Variants in SPAG17 observed in about 807,000 individuals in gnomAD.
SPAG17 encodes the protein sperm-associated antigen 17.
A neutral mutation model predicts 273.6 loss-of-function variants in SPAG17; 169 were observed. The ratio of observed to expected loss-of-function variants is 0.62; its 90% CI spans 0.55 to 0.70. The LOEUF is 0.70. Among genes scored for constraint, SPAG17 ranks in the 30% least tolerant of loss-of-function variants. The pLI is 0.00. For synonymous variants in SPAG17, 825 were observed against 873.2 expected, an observed-to-expected ratio of 0.94 and a Z score of 0.97; for missense variants, 2,557 against 2,627.8, an observed-to-expected ratio of 0.97 and a Z score of 0.59.
At chr1:118,060,338 G>T (rs1177314195) in intron 18 of SPAG17, among the ~76,000 whole-genome samples, 10 of 151,342 alleles carry the variant, frequency 6.6e-5, no homozygotes, top group African/African-American at 2.4e-4. Flanking sequence ...TTAGAGATGT[G>T]GTCTTGATAT....
Position 118,057,524 on chromosome 1 carries a change from A to G in SPAG17, c.2541-1610T>C, listed in dbSNP as rs184615047. Among the ~76,000 whole-genome samples, 5 of 152,352 alleles carry G rather than the reference A, an allele frequency of 3.3e-5. No individual in the cohort carries two copies. The East Asian group carries it at 9.6e-4, about 29-fold the overall frequency. On this transcript the variant is annotated intron_variant, in intron 18 of 48. Transcript: ENST00000336338. ...AATATAGACTTACATATACAGCTCA[A>G]TCAGTCTTCAAATGAGAGAACAAAA...
intron 1 of SPAG17, among the ~76,000 whole-genome samples, chr1:118,161,043 C>T (rs1008180090): frequency 1.1e-4 from 16 of 152,148 alleles, no homozygotes; most frequent in African/African-American, 3.6e-4. Flanking sequence ...AGTCGTGCAG[C>T]TCAACAAGCA....
chr1:117,970,757 T>C (rs767343070), intron 45 of SPAG17, among the ~76,000 whole-genome samples: 2 of 152,234 alleles, frequency 1.3e-5, no homozygotes, highest in Non-Finnish European at 2.9e-5. Context: ...TCAACCTTGC[T>C]GTCTGCTCTA....
Position 118,100,292 on chromosome 1 carries a change from C to T in SPAG17, c.635-492G>A, listed in dbSNP as rs771553972. Among the ~76,000 whole-genome samples, 6 of 152,038 alleles carry T rather than the reference C, an allele frequency of 3.9e-5. No homozygotes were observed. In the South Asian group the frequency reaches 6.2e-4, roughly 16 times the overall value. ...CACTTATGTCAATGGGTGTGAATCC[C>T]GAGTATGGATTATGTAGTAACTATG... On this transcript the variant is annotated intron_variant, in intron 5 of 48. Coordinates refer to ENST00000336338, the MANE Select transcript of SPAG17 (RefSeq NM_206996.4).
chr1:118,174,162 T>TA (rs1424835202), intron 1 of SPAG17, among the ~76,000 whole-genome samples: 2 of 151,922 alleles, frequency 1.3e-5, no homozygotes, highest in African/African-American at 2.4e-5. Context: ...AAGACAAAAT[T>TA]AAAAAAAGAA....
intron 20 of SPAG17, among the ~76,000 whole-genome samples, chr1:118,046,192 C>T (rs554471029): frequency 2.6e-5 from 4 of 152,058 alleles, no homozygotes; most frequent in African/African-American, 9.6e-5. Flanking sequence ...AAAAACTTAG[C>T]TGGGCATGGT....
At chr1:117,959,493 G>A in intron 48 of SPAG17, 1 of 1,528,316 alleles carries the variant, frequency 6.5e-7, no homozygotes, top group Non-Finnish European at 8.8e-7. Context: ...TTCCTTTAAA[G>A]GACTCCTAAA....
At chr1:118,035,091 A>G (rs1409053) in intron 24 of SPAG17, among the ~76,000 whole-genome samples, 11,291 of 152,194 alleles carry the variant, frequency 0.074, 1,105 homozygotes, top group African/African-American at 0.23. Context: ...AAAGTTCTTA[A>G]ATATCAGTTA....
chr1:117,964,731 C>T (rs1031314900), intron 47 of SPAG17: 3 of 152,164 alleles, frequency 2.0e-5, no homozygotes, highest in African/African-American at 7.2e-5. Context: ...TAAAGGCAGG[C>T]GTTTCGGCAT....
At chr1:118,040,087 G>A (rs1419438091) in intron 22 of SPAG17, among the ~76,000 whole-genome samples, 1 of 152,078 alleles carries the variant, frequency 6.6e-6, no homozygotes, top group African/African-American at 2.4e-5. Context: ...TATTATTGTG[G>A]TCGTTAATAA....
At position 118,082,988 on chromosome 1, in the gene SPAG17, G is replaced by A. The variant is rs1654704709; in HGVS notation, c.1763-1346C>T. On this transcript the variant is annotated intron_variant, in intron 13 of 48. Transcript: ENST00000336338. ...TGGCTCAAAAAGTAGGTGGCAGACA[G>A]TTTAGGTTCTTATTGTTGCTTTTTG... 2.0e-5 allele frequency among the ~76,000 whole-genome samples: 3 copies of A among 152,132 alleles called. No individual in the cohort carries two copies. In the South Asian group the frequency reaches 6.2e-4, roughly 32 times the overall value.
rs147097063 is a variant in SPAG17 at position 118,142,666 on chromosome 1, C to T, written c.315+7877G>A. Among the ~76,000 whole-genome samples, 260 of 152,160 alleles carry T rather than the reference C, an allele frequency of 1.7e-3. 4 individuals are homozygous for T. Among genetic ancestry groups the T allele is most frequent in the African/African-American group, 6.0e-3 (250 of 41,516 alleles). On this transcript the variant is annotated intron_variant, in intron 3 of 48. Coordinates refer to ENST00000336338, the MANE Select transcript of SPAG17 (RefSeq NM_206996.4). ...TATATTTACTATCCCATGTAATCAC[C>T]ACTACAGCTTTATAAGATAGATACT...
chr1:118,135,253 T>A (rs1050385040), intron 3 of SPAG17, among the ~76,000 whole-genome samples: 1 of 152,152 alleles, frequency 6.6e-6, no homozygotes, highest in African/African-American at 2.4e-5. Flanking sequence ...GCAGTGCTAG[T>A]TCACTAGTTC....
intron 15 of SPAG17, among the ~76,000 whole-genome samples, chr1:118,079,270 C>T (rs556655265): frequency 8.8e-4 from 134 of 152,064 alleles, no homozygotes; most frequent in African/African-American, 3.2e-3. Context: ...CTCAGGTTTT[C>T]TATTTCTTCT....
chr1:118,058,699 C>A (rs999790484), intron 18 of SPAG17, among the ~76,000 whole-genome samples: 1 of 152,128 alleles, frequency 6.6e-6, no homozygotes, highest in African/African-American at 2.4e-5. Context: ...CTTAGTTTAA[C>A]CCCAGTAATC....
intron 34 of SPAG17, among the ~76,000 whole-genome samples, chr1:117,995,079 T>C (rs866020869): frequency 1.3e-5 from 2 of 152,278 alleles, no homozygotes; most frequent in Middle Eastern, 6.8e-3. Context: ...GTGCTTCAGC[T>C]ACTTTGGCCT....
chr1:118,067,138 C>T (rs12140386), intron 17 of SPAG17, among the ~76,000 whole-genome samples: 3 of 152,060 alleles, frequency 2.0e-5, no homozygotes, highest in African/African-American at 4.8e-5. Flanking sequence ...TCAGGCAGAG[C>T]GGCGCTTGCT....
chr1:117,955,816 CG>C (rs1297978414), intron 48 of SPAG17, among the ~76,000 whole-genome samples: 2 of 150,748 alleles, frequency 1.3e-5, no homozygotes, highest in African/African-American at 4.9e-5. Flanking sequence ...AATAATTACT[CG>C]ATATTGCATT....
rs114891786 is a variant in SPAG17, at chr1:117,997,244, C to T, written c.4777-501G>A. On this transcript the variant is annotated intron_variant, in intron 32 of 48. Transcript: ENST00000336338. ...CCTTTATTACTGTCTAAATATGGCC[C>T]GGGTCTCTCCAGGAAGGGGTGTGAT... 7.1e-3 allele frequency among the ~76,000 whole-genome samples: 1,082 copies of T among 152,018 alleles called. 11 individuals carry two copies. The highest frequency in any genetic ancestry group is 0.025 in the African/African-American group (1,028 of 41,470).
Sources: gnomAD v4.1 joint callset for allele counts (sites outside exome capture counted in the v4.1 genomes callset) on GRCh38, gnomAD v4.1.1 for gene constraint, MANE v1.5 for transcripts, NCBI Gene and HGNC (gene_info 2026-07-23, HGNC 2026-07-21) for gene names.